EYS: variants seen among roughly 807,000 people sequenced by gnomAD.
EYS encodes the protein EGF-like photoreceptor maintenance factor, also known as protein eyes shut homolog.
EYS carries 250 observed loss-of-function variants against 282.1 expected under a neutral mutation model. That is an observed-to-expected ratio of 0.89 (90% CI 0.80 to 0.98). The LOEUF (loss-of-function observed/expected upper bound fraction) is 0.98, where lower values mean the gene tolerates loss of function less well. Ranked by LOEUF, EYS falls within the 50% of genes least tolerant of loss-of-function variation. The pLI is 0.00. For missense variants in EYS, 4,016 were observed against 3,709.0 expected (o/e 1.08, Z -2.15); for synonymous variants, 1,355 against 1,282.9 (o/e 1.06, Z -1.20).
At chr6:65,620,193 T>C (rs1766416919) in intron 2 of EYS, among the ~76,000 whole-genome samples, 2 of 152,222 alleles carry the variant, frequency 1.3e-5, no homozygotes, top group South Asian at 4.1e-4. Context: ...CTGGACTCTT[T>C]TTGGTTGGTA....
intron 19 of EYS, among the ~76,000 whole-genome samples, chr6:64,884,298 A>G (rs1767015377): frequency 6.6e-6 from 1 of 151,568 alleles, no homozygotes; most frequent in Non-Finnish European, 1.5e-5. Context: ...CTCTATCACT[A>G]ATACCATTAC....
intron 5 of EYS, among the ~76,000 whole-genome samples, chr6:65,483,567 A>G (rs2127257982): frequency 6.6e-6 from 1 of 152,248 alleles, no homozygotes; most frequent in South Asian, 2.1e-4. Flanking sequence ...CATATTTCAA[A>G]TAATATATAT....
rs1768174683 is a variant in EYS at position 64,916,675 on chromosome 6, G to A, written c.2382-3932C>T. Among the ~76,000 whole-genome samples, 3 of 152,100 alleles carry A rather than the reference G, an allele frequency of 2.0e-5. No homozygotes were observed. The South Asian group carries it at 6.2e-4, about 31-fold the overall frequency. On this transcript the variant is annotated intron_variant, in intron 15 of 42. Coordinates refer to ENST00000503581, the MANE Select transcript of EYS (RefSeq NM_001142800.2). ...GATATTTTCAAACTCACAGCTAGAA[G>A]CAGAGTCTTTATGGATTAAAAAAAA...
chr6:65,472,144 T>C (rs1045308187), intron 5 of EYS, among the ~76,000 whole-genome samples: 3 of 152,088 alleles, frequency 2.0e-5, no homozygotes, highest in Non-Finnish European at 2.9e-5. Flanking sequence ...TATGTATTTG[T>C]TTAATTACTT....
At chr6:65,132,370 AG>A (rs1775902846) in intron 12 of EYS, among the ~76,000 whole-genome samples, 1 of 152,086 alleles carries the variant, frequency 6.6e-6, no homozygotes, top group African/African-American at 2.4e-5. Context: ...ATCATAATCA[AG>A]TAGGCTTCAT....
At chr6:64,998,307 G>A (rs1771343599) in intron 13 of EYS, among the ~76,000 whole-genome samples, 1 of 152,190 alleles carries the variant, frequency 6.6e-6, no homozygotes, top group Non-Finnish European at 1.5e-5. Context: ...AGTAGTGACA[G>A]TATGAATTGC....
chr6:64,209,969 T>C (rs1001354932), intron 31 of EYS, among the ~76,000 whole-genome samples: 1 of 152,206 alleles, frequency 6.6e-6, no homozygotes, highest in Non-Finnish European at 1.5e-5. Flanking sequence ...CTCTAGTTTA[T>C]TGCCTGCCTG....
chr6:65,093,368 A>T lies in EYS; in HGVS notation c.2024-35641T>A, dbSNP rs143575228. Among the ~76,000 whole-genome samples the T allele has an allele frequency of 3.5e-3, 527 of 152,146 alleles. 4 individuals carry two copies. The highest frequency in any genetic ancestry group is 0.012 in the African/African-American group (488 of 41,562). The stretch of plus-strand genomic sequence containing the variant: ...GAGTAAATGTAAATACATAGAAAAA[A>T]CAAGAATACTGTAATACCATAATGA... On this transcript the variant is annotated intron_variant, in intron 12 of 42. Coordinates refer to ENST00000503581, the MANE Select transcript of EYS (RefSeq NM_001142800.2).
At chr6:64,633,225 C>A (rs1255132372) in intron 22 of EYS, among the ~76,000 whole-genome samples, 1 of 152,056 alleles carries the variant, frequency 6.6e-6, no homozygotes, top group Non-Finnish European at 1.5e-5. Context: ...GTCTAAATAA[C>A]TGTTGAAATT....
chr6:65,044,667 C>G (rs1773045990), intron 13 of EYS, among the ~76,000 whole-genome samples: 1 of 151,794 alleles, frequency 6.6e-6, no homozygotes, highest in Non-Finnish European at 1.5e-5. Flanking sequence ...ATGCCATACC[C>G]CACCTCAATG....
chr6:65,582,925 G>T (rs2127361737), intron 2 of EYS, among the ~76,000 whole-genome samples: 1 of 152,060 alleles, frequency 6.6e-6, no homozygotes, highest in Non-Finnish European at 1.5e-5. Context: ...CAAACTCTAG[G>T]AATGACTTTA....
chr6:64,898,874 C>T (rs574161146), intron 18 of EYS, among the ~76,000 whole-genome samples: 13 of 151,422 alleles, frequency 8.6e-5, no homozygotes, highest in Admixed American at 1.3e-4. Context: ...CATTACATAA[C>T]GGTAAAGGGA....
At chr6:63,825,480 C>T (rs1299128414) in intron 36 of EYS, among the ~76,000 whole-genome samples, 2 of 152,360 alleles carry the variant, frequency 1.3e-5, no homozygotes, top group East Asian at 3.9e-4. Flanking sequence ...TAAGGACCCT[C>T]ACAGAGTCCA....
chr6:64,083,322 C>T (rs1265529037), intron 31 of EYS, among the ~76,000 whole-genome samples: 1 of 152,192 alleles, frequency 6.6e-6, no homozygotes, highest in East Asian at 1.9e-4. Context: ...GAGTGAGAAA[C>T]TAATATCCAG....
chr6:64,053,824 T>C (rs937744929), intron 33 of EYS, among the ~76,000 whole-genome samples: 5 of 152,164 alleles, frequency 3.3e-5, no homozygotes, highest in African/African-American at 1.2e-4. Flanking sequence ...TTGCAACTTT[T>C]AGAGTTCTCA....
rs948669214 is a variant in EYS, at chr6:65,477,104, C to T, written c.862+13490G>A. The stretch of plus-strand genomic sequence containing the variant: ...CTGTCATATCACTGAGTATCACAGA[C>T]AAGATACAATAATAAGGTTACCCAC... On this transcript the variant is annotated intron_variant, in intron 5 of 42. Transcript: ENST00000503581. Among the ~76,000 whole-genome samples, 43 of 152,124 alleles carry T rather than the reference C, an allele frequency of 2.8e-4. 1 individual carries two copies. The highest frequency in any genetic ancestry group is 8.4e-4 in the African/African-American group (35 of 41,494).
intron 24 of EYS, among the ~76,000 whole-genome samples, chr6:64,615,590 G>A (rs898441297): frequency 1.3e-5 from 2 of 152,016 alleles, no homozygotes; most frequent in Non-Finnish European, 2.9e-5. Flanking sequence ...TACTGCTATA[G>A]CATTGGCATG....
At chr6:63,793,127 G>A (rs1225230204) in intron 37 of EYS, among the ~76,000 whole-genome samples, 1 of 152,192 alleles carries the variant, frequency 6.6e-6, no homozygotes, top group Non-Finnish European at 1.5e-5. Flanking sequence ...TCAAATGCAG[G>A]AAGAAGGGAG....
At chr6:64,556,027 A>T (rs554885125) in intron 26 of EYS, among the ~76,000 whole-genome samples, 4 of 152,098 alleles carry the variant, frequency 2.6e-5, no homozygotes, top group Non-Finnish European at 5.9e-5. Flanking sequence ...GAACTCTCAC[A>T]TAATGCTAGT....
Sources: allele counts gnomAD v4.1 joint callset (sites outside exome capture counted in the v4.1 genomes callset), GRCh38; gene constraint gnomAD v4.1.1; transcripts MANE v1.5; gene names NCBI Gene and HGNC (gene_info 2026-07-23, HGNC 2026-07-21).